GSN: variants seen among roughly 807,000 people sequenced by gnomAD.
The protein encoded by GSN is actin-depolymerizing factor.
In GSN, 56 loss-of-function variants were observed where a neutral mutation model predicts 85.7. The ratio of observed to expected loss-of-function variants is 0.65; its 90% CI spans 0.53 to 0.82. The LOEUF is 0.82. Among genes scored for constraint, GSN ranks in the 40% least tolerant of loss-of-function variants. GSN has a pLI of 0.00. For synonymous variants in GSN, 373 were observed against 399.1 expected, an observed-to-expected ratio of 0.93 and a Z score of 0.78; for missense variants, 857 against 979.8, an observed-to-expected ratio of 0.87 and a Z score of 1.67.
chr9:121,251,405 C>G (rs970708401), intron 6 of GSN, among the ~76,000 whole-genome samples: 1 of 151,250 alleles, frequency 6.6e-6, no homozygotes, highest in East Asian at 1.9e-4. Context: ...CCATGTTGGC[C>G]AGGCTGGTTT....
At chr9:121,201,851 C>T in the GSN span, 4 of 152,470 alleles carry the variant, frequency 2.6e-5, no homozygotes, top group Non-Finnish European at 5.9e-5. Context: ...TCAGTATCTT[C>T]CTCGGGCTGG....
rs753352592 is a variant in GSN at position 121,303,054 on chromosome 9, C to G, written c.340C>G (p.Leu114Val). 2 of 1,613,582 alleles carry G rather than the reference C, an allele frequency of 1.2e-6. No homozygotes were observed. The highest frequency in any genetic ancestry group is 1.7e-6 in the Non-Finnish European group (2 of 1,180,010). The change falls in exon 4 of 18, where the codon CTG (leucine) becomes GTG (valine). Residue 114 changes from leucine (L) to valine (V), a missense_variant. Coordinates refer to ENST00000432226, the MANE Select transcript of GSN (RefSeq NM_198252.3). ...CTTCCTAGGCTACTTCAAGTCTGGC[C>G]TGAAGTACAAGGTGGGTTGGGCCCC... ...ATFLGYFKSG[L>V]KYKKGGVASG...
At chr9:121,224,984 A>C (rs2054246856) in intron 4 of GSN, among the ~76,000 whole-genome samples, 1 of 152,022 alleles carries the variant, frequency 6.6e-6, no homozygotes, top group Non-Finnish European at 1.5e-5. Flanking sequence ...ACGCTGGATA[A>C]TTTTTAAAAT....
intron 4 of GSN, among the ~76,000 whole-genome samples, chr9:121,304,056 C>T (rs1219715480): frequency 6.6e-6 from 1 of 152,206 alleles, no homozygotes; most frequent in African/African-American, 2.4e-5. Flanking sequence ...TGACCAGGGT[C>T]CTAGGGTAGG....
At chr9:121,289,715 C>T (rs2058504078) in intron 2 of GSN, among the ~76,000 whole-genome samples, 1 of 152,144 alleles carries the variant, frequency 6.6e-6, no homozygotes, top group South Asian at 2.1e-4. Flanking sequence ...CACAGGGAGG[C>T]AGAGCCAAGG....
intron 4 of GSN, chr9:121,222,898 G>T (rs1320818405): frequency 2.0e-5 from 3 of 152,158 alleles, no homozygotes; most frequent in Non-Finnish European, 4.4e-5. Context: ...TGGACTTGGG[G>T]GGGGGTCTTA....
intron 5 of GSN, among the ~76,000 whole-genome samples, chr9:121,247,001 G>A (rs2054712453): frequency 6.6e-6 from 1 of 152,176 alleles, no homozygotes; most frequent in Non-Finnish European, 1.5e-5. Flanking sequence ...GGTGGGAAGT[G>A]GGAGGCAGAC....
chr9:121,271,754 C>T (rs1306490649), intron 1 of GSN, among the ~76,000 whole-genome samples: 1 of 152,206 alleles, frequency 6.6e-6, no homozygotes, highest in Non-Finnish European at 1.5e-5. Context: ...TAAACTCATG[C>T]TTTCCTGTGC....
In GSN at chr9:121,329,125, A is replaced by C; in HGVS notation, c.1887+110A>C. 3.3e-6 allele frequency: 5 copies of C among 1,534,440 alleles called. No homozygotes were observed. The South Asian group carries it at 5.7e-5, about 17-fold the overall frequency. On this transcript the variant is annotated intron_variant, in intron 15 of 17. Transcript: ENST00000432226. This position sits in a 1 kb window ranked among gnomAD's most constrained non-coding sequence, Gnocchi z 4.6. ...CAGTTCTGATGGTGTGGCACAGAGG[A>C]AGGGGCCCCCTGCCAGCTGCAGCCA... is the stretch of plus-strand genomic sequence containing the variant.
rs2054948622 is a variant in GSN, at chr9:121,255,947, C to T, written c.-341+7624C>T. Among the ~76,000 whole-genome samples, 3 of 152,156 alleles carry T rather than the reference C, an allele frequency of 2.0e-5. No homozygotes were observed. The South Asian group carries it at 6.2e-4, about 32-fold the overall frequency. ...CATCAAGAAATTCTGTTTTCCCACA[C>T]AGTGCTTTACATGATTTCCAGAAAA... On this transcript the variant is annotated intron_variant, in intron 6 of 24. Coordinates refer to the GSN transcript ENST00000373823.
In GSN at chr9:121,327,231, C is replaced by T. The variant is rs2304394; in HGVS notation, c.1588-77C>T. 1.7e-3 allele frequency: 1,834 copies of T among 1,082,422 alleles called. 20 individuals are homozygous for T. In the African/African-American group the frequency reaches 0.025, roughly 15 times the overall value. 67.1% of individuals were successfully genotyped at this position (1,082,422 alleles called of 1,614,324 possible). ...CCCCACCTGAGAGCTAGTCCTGCTG[C>T]GGGGTCTCCTGGGCTGTGAGGAGGG... On this transcript the variant is annotated intron_variant, in intron 13 of 17. Transcript: ENST00000432226.
At chr9:121,219,890 T>G (rs542467840) in intron 4 of GSN, among the ~76,000 whole-genome samples, 1 of 152,234 alleles carries the variant, frequency 6.6e-6, no homozygotes, top group African/African-American at 2.4e-5. Context: ...TTTTCTTTTT[T>G]TTTTTTTGAG....
intron 10 of GSN, among the ~76,000 whole-genome samples, chr9:121,321,014 C>T (rs1359400106): frequency 2.6e-5 from 4 of 152,302 alleles, no homozygotes; most frequent in Non-Finnish European, 4.4e-5. Context: ...CCTTGACGAT[C>T]CTCAGCGAAG....
intron 1 of GSN, among the ~76,000 whole-genome samples, chr9:121,275,921 C>G (rs1260669114): frequency 6.6e-6 from 1 of 152,142 alleles, no homozygotes; most frequent in Admixed American, 6.5e-5. Flanking sequence ...GAGTATGGCC[C>G]TTGGAATGTT....
chr9:121,203,948 T>G (rs563864097), upstream of GSN, among the ~76,000 whole-genome samples: 1 of 152,364 alleles, frequency 6.6e-6, no homozygotes, highest in East Asian at 1.9e-4. Context: ...AAGTATAGTT[T>G]GTTGTCACAC....
chr9:121,318,139 A>G lies in GSN; in HGVS notation c.887-267A>G, dbSNP rs1381477938. ...TACTTAAGACTATTCTGTGAATTAAATAATCTATGCATAGTTCTAAGCACA... is the reference window on the plus strand; with the variant it reads ...TACTTAAGACTATTCTGTGAATTAAGTAATCTATGCATAGTTCTAAGCACA... On this transcript the variant is annotated intron_variant, in intron 8 of 17. Transcript: ENST00000432226. The surrounding 1 kb of genome is among the most constrained non-coding windows in gnomAD (Gnocchi z 4.3). Among the ~76,000 whole-genome samples the G allele has an allele frequency of 6.6e-6, 1 of 152,258 alleles. No homozygotes were observed. The highest frequency in any genetic ancestry group is 2.4e-5 in the African/African-American group (1 of 41,482).
exon 1 of GSN, chr9:121,207,859 C>G (rs958375421): frequency 2.0e-5 from 3 of 151,886 alleles, no homozygotes; most frequent in Non-Finnish European, 4.4e-5. Flanking sequence ...GGCTCAAGCA[C>G]TCCTCCCACC....
At chr9:121,211,986 C>A (rs183224070) in intron 4 of GSN, among the ~76,000 whole-genome samples, 1 of 152,234 alleles carries the variant, frequency 6.6e-6, no homozygotes, top group African/African-American at 2.4e-5. Flanking sequence ...GCTGGGTTAA[C>A]CATGCATTCA....
At chr9:121,290,400 G>A (rs902671816) in intron 2 of GSN, among the ~76,000 whole-genome samples, 1 of 152,236 alleles carries the variant, frequency 6.6e-6, no homozygotes, top group African/African-American at 2.4e-5. Flanking sequence ...GGTTAAAGGA[G>A]GGGAAAGTAT....
Sources: allele counts gnomAD v4.1 joint callset (sites outside exome capture counted in the v4.1 genomes callset), GRCh38; gene constraint gnomAD v4.1.1; non-coding constraint Gnocchi (gnomAD v3.1); transcripts MANE v1.5; gene names NCBI Gene and HGNC (gene_info 2026-07-23, HGNC 2026-07-21).